PARL: variants seen among roughly 807,000 people sequenced by gnomAD.
PARL encodes the protein presenilin-associated rhomboid-like protein, mitochondrial.
A neutral mutation model predicts 51.6 loss-of-function variants in PARL; 44 were observed. That is an observed-to-expected ratio of 0.85 (90% CI 0.67 to 1.10). PARL has a LOEUF of 1.10. PARL is among the 50% of genes least tolerant of loss of function. The pLI is 0.00. For synonymous variants in PARL, 172 were observed against 164.0 expected, an observed-to-expected ratio of 1.05 and a Z score of -0.37; for missense variants, 441 against 469.5, an observed-to-expected ratio of 0.94 and a Z score of 0.56.
intron 3 of PARL, among the ~76,000 whole-genome samples, chr3:183,863,255 GT>G: frequency 6.6e-6 from 1 of 152,004 alleles, no homozygotes; most frequent in Non-Finnish European, 1.5e-5. Flanking sequence ...TGGTACTGGA[GT>G]TTAATAAAAA....
chr3:183,863,327 G>T (rs1478381442), intron 3 of PARL, among the ~76,000 whole-genome samples: 2 of 151,324 alleles, frequency 1.3e-5, no homozygotes, highest in East Asian at 3.9e-4. Flanking sequence ...AATACGTCTA[G>T]AATTTGCTTT....
chr3:183,827,749 C>T (rs749874654), downstream of PARL, among the ~76,000 whole-genome samples: 5 of 151,830 alleles, frequency 3.3e-5, no homozygotes, highest in Admixed American at 1.3e-4. Context: ...CTGTGCAGGG[C>T]GGGGGGGTGG....
intron 1 of PARL, among the ~76,000 whole-genome samples, chr3:183,873,195 T>C (rs983252388): frequency 6.6e-6 from 1 of 152,096 alleles, no homozygotes; most frequent in Non-Finnish European, 1.5e-5. Flanking sequence ...GTAATAGGAA[T>C]ATATTTACCA....
chr3:183,882,220 A>T (rs1306738261), intron 1 of PARL, among the ~76,000 whole-genome samples: 44 of 60,868 alleles, frequency 7.2e-4, no homozygotes, highest in African/African-American at 2.5e-3. Context: ...AAAAAAAAAA[A>T]AAATATATAT....
chr3:183,833,170 GA>G (rs1438462227), intron 9 of PARL, among the ~76,000 whole-genome samples: 2 of 152,166 alleles, frequency 1.3e-5, no homozygotes, highest in Non-Finnish European at 2.9e-5. Context: ...GTCTGAAGGG[GA>G]AAAAGAAGAT....
intron 1 of PARL, among the ~76,000 whole-genome samples, chr3:183,878,148 G>A (rs1255480555): frequency 6.6e-6 from 1 of 152,150 alleles, no homozygotes; most frequent in African/African-American, 2.4e-5. Flanking sequence ...GGCTTCACTC[G>A]TACCTGGAGC....
downstream of PARL, chr3:183,826,559 A>G: frequency 1.0e-6 from 1 of 976,562 alleles, no homozygotes; most frequent in Non-Finnish European, 1.2e-6. Context: ...AGGGGACTGC[A>G]GCACATCCCT....
intron 1 of PARL, among the ~76,000 whole-genome samples, chr3:183,878,166 C>T (rs910444877): frequency 2.0e-5 from 3 of 152,190 alleles, no homozygotes; most frequent in Admixed American, 6.5e-5. Flanking sequence ...AGCCTTAGTG[C>T]TGGTTGTTGT....
intron 1 of PARL, among the ~76,000 whole-genome samples, chr3:183,868,978 C>G (rs1235754481): frequency 1.3e-5 from 2 of 152,138 alleles, no homozygotes; most frequent in African/African-American, 4.8e-5. Flanking sequence ...TTGACTTCCT[C>G]AAAATATCTA....
At chr3:183,864,632 C>A (rs777545689) in intron 3 of PARL, among the ~76,000 whole-genome samples, 50 of 151,954 alleles carry the variant, frequency 3.3e-4, no homozygotes, top group Non-Finnish European at 6.2e-4. Context: ...AAAAATTAGC[C>A]GGGCGTGGTG....
intron 1 of PARL, among the ~76,000 whole-genome samples, chr3:183,882,255 A>ATATATATT (rs1553906134): frequency 5.4e-5 from 3 of 55,216 alleles, no homozygotes; most frequent in African/African-American, 1.8e-4. Context: ...TTATATATAT[A>ATATATATT]TATATATATA....
intron 5 of PARL, among the ~76,000 whole-genome samples, chr3:183,842,972 G>T (rs1012979393): frequency 2.0e-5 from 3 of 150,450 alleles, no homozygotes; most frequent in Admixed American, 2.0e-4. Context: ...TCAAGTTGAG[G>T]CTCAAGGGCT....
intron 4 of PARL, among the ~76,000 whole-genome samples, chr3:183,856,251 CA>C (rs565156672): frequency 6.9e-4 from 105 of 152,218 alleles, no homozygotes; most frequent in Middle Eastern, 3.4e-3. Context: ...AAGGACTTAC[CA>C]TACCACTTGG....
At chr3:183,844,166 T>C in intron 5 of PARL, 65 bp downstream of exon 5, 1 of 1,121,568 alleles carries the variant, frequency 8.9e-7, no homozygotes, top group Admixed American at 1.7e-5. Flanking sequence ...GCACTTCCAT[T>C]AACTAAAGCA....
intron 4 of PARL, among the ~76,000 whole-genome samples, chr3:183,861,785 A>T (rs542687714): frequency 6.2e-4 from 94 of 152,234 alleles, no homozygotes; most frequent in Non-Finnish European, 8.7e-4. Context: ...CTTAAAAAAA[A>T]TTTTTTTGTT....
At chr3:183,868,268 C>G (rs556431056) in intron 1 of PARL, among the ~76,000 whole-genome samples, 32 of 152,306 alleles carry the variant, frequency 2.1e-4, no homozygotes, top group African/African-American at 6.7e-4. Flanking sequence ...ACAGCAACTT[C>G]AGAGGATACT....
chr3:183,868,601 G>A (rs60063811), intron 1 of PARL, among the ~76,000 whole-genome samples: 7,611 of 152,152 alleles, frequency 0.05, 663 homozygotes, highest in African/African-American at 0.17. Context: ...TAGAGATGGG[G>A]TTCTGCCATG....
Position 183,873,476 on chromosome 3 carries a change from T to C in PARL, c.126-5416A>G, listed in dbSNP as rs180725588. 1.5e-3 allele frequency among the ~76,000 whole-genome samples: 229 copies of C among 152,022 alleles called. 1 individual carries two copies. Among genetic ancestry groups the C allele is most frequent in the African/African-American group, 5.3e-3 (221 of 41,456 alleles). The stretch of plus-strand genomic sequence containing the variant: ...CTCTCTAGAACCCAGGAGGCAGAGG[T>C]TGCAGTGAGGCGAGATCACGCCATT... On this transcript the variant is annotated intron_variant, in intron 1 of 9. Coordinates refer to ENST00000317096, the MANE Select transcript of PARL (RefSeq NM_018622.7).
intron 3 of PARL, among the ~76,000 whole-genome samples, chr3:183,864,919 TTTC>T (rs1168024115): frequency 1.7e-4 from 20 of 118,526 alleles, no homozygotes; most frequent in Non-Finnish European, 3.0e-4. Flanking sequence ...TTTTTTTTTT[TTTC>T]CGTATTTCAT....
Sources: allele counts gnomAD v4.1 joint callset (sites outside exome capture counted in the v4.1 genomes callset), GRCh38; gene constraint gnomAD v4.1.1; transcripts MANE v1.5; gene names NCBI Gene and HGNC (gene_info 2026-07-23, HGNC 2026-07-21).